The following CSGALNACT1 variants were observed in gnomAD, a reference collection of about 807,000 sequenced individuals.
The protein encoded by CSGALNACT1 is chondroitin sulfate N-acetylgalactosaminyltransferase 1.
CSGALNACT1 carries 52 observed loss-of-function variants against 51.0 expected under a neutral mutation model. The ratio of observed to expected loss-of-function variants is 1.02; its 90% confidence interval spans 0.82 to 1.29. CSGALNACT1 has a LOEUF of 1.29. CSGALNACT1 is among the 50% of genes most tolerant of loss of function. The pLI is 0.00. For synonymous variants in CSGALNACT1, 341 were observed against 254.4 expected, an observed-to-expected ratio of 1.34 and a Z score of -3.24; for missense variants, 935 against 679.2, an observed-to-expected ratio of 1.38 and a Z score of -4.19.
At chr8:19,672,364 C>T (rs2059860839) in intron 1 of CSGALNACT1, among the ~76,000 whole-genome samples, 1 of 152,156 alleles carries the variant, frequency 6.6e-6, no homozygotes, top group Admixed American at 6.5e-5. Flanking sequence ...ATTGAGTGTT[C>T]ATAAACACTC....
chr8:19,460,747 T>C (rs759367895), intron 4 of CSGALNACT1, among the ~76,000 whole-genome samples: 7 of 152,224 alleles, frequency 4.6e-5, no homozygotes, highest in Non-Finnish European at 1.0e-4. Context: ...CCTCCTTTTT[T>C]CTTGCTCACT....
intron 1 of CSGALNACT1, among the ~76,000 whole-genome samples, chr8:19,727,984 G>T (rs1306896804): frequency 6.6e-6 from 1 of 152,188 alleles, no homozygotes; most frequent in Non-Finnish European, 1.5e-5. Context: ...AGAGCAGCAA[G>T]ATGTCATTCC....
chr8:19,738,091 T>C (rs1326303254), intron 1 of CSGALNACT1, among the ~76,000 whole-genome samples: 1 of 152,180 alleles, frequency 6.6e-6, no homozygotes, highest in African/African-American at 2.4e-5. Flanking sequence ...CCAGGCGCCA[T>C]GGTTTGCACC....
intron 1 of CSGALNACT1, among the ~76,000 whole-genome samples, chr8:19,633,082 C>T (rs2055521985): frequency 6.6e-6 from 1 of 151,884 alleles, no homozygotes; most frequent in South Asian, 2.1e-4. Context: ...CAGCTGAGGG[C>T]TTTTTAAAAG....
chr8:19,423,983 C>G (rs530673807), intron 6 of CSGALNACT1, among the ~76,000 whole-genome samples: 2 of 152,294 alleles, frequency 1.3e-5, no homozygotes, highest in East Asian at 1.9e-4. Flanking sequence ...CACCAGACAC[C>G]TCGGCTTGCC....
intron 1 of CSGALNACT1, among the ~76,000 whole-genome samples, chr8:19,715,225 G>T (rs565245131): frequency 8.7e-4 from 132 of 152,254 alleles, no homozygotes; most frequent in African/African-American, 3.1e-3. Context: ...GGGGGAAACT[G>T]CCCCCATGAT....
chr8:19,443,597 T>C (rs936590881), intron 5 of CSGALNACT1, among the ~76,000 whole-genome samples: 1 of 152,130 alleles, frequency 6.6e-6, no homozygotes, highest in East Asian at 1.9e-4. Context: ...TATAAAACCA[T>C]CAGATCTTGT....
intron 3 of CSGALNACT1, among the ~76,000 whole-genome samples, chr8:19,530,109 C>A (rs964558285): frequency 6.6e-6 from 1 of 152,014 alleles, no homozygotes; most frequent in Non-Finnish European, 1.5e-5. Flanking sequence ...GTAATCCCAG[C>A]TACTCGGGGG....
intron 1 of CSGALNACT1, among the ~76,000 whole-genome samples, chr8:19,752,062 A>G (rs1563227241): frequency 1.0e-5 from 1 of 96,360 alleles, no homozygotes; most frequent in East Asian, 2.8e-4. Flanking sequence ...ATAACAATAT[A>G]TTTTTATATG....
chr8:19,571,190 A>T (rs956669565), intron 3 of CSGALNACT1, among the ~76,000 whole-genome samples: 8 of 152,036 alleles, frequency 5.3e-5, no homozygotes, highest in Non-Finnish European at 1.2e-4. Flanking sequence ...GGCTGGTCTC[A>T]AACTCCTGGG....
chr8:19,523,081 C>T (rs2081036394), intron 3 of CSGALNACT1, among the ~76,000 whole-genome samples: 1 of 152,164 alleles, frequency 6.6e-6, no homozygotes, highest in Non-Finnish European at 1.5e-5. Context: ...ATTACCACCA[C>T]TGCATTGCAA....
chr8:19,434,454 A>G (rs1308916542), intron 6 of CSGALNACT1, among the ~76,000 whole-genome samples: 1 of 152,178 alleles, frequency 6.6e-6, no homozygotes, highest in Non-Finnish European at 1.5e-5. Context: ...TTCAGACATC[A>G]TGACAACTTC....
chr8:19,431,040 C>T lies in CSGALNACT1; in HGVS notation c.953+8790G>A, dbSNP rs192803549. On this transcript the variant is annotated intron_variant, in intron 6 of 9. Transcript: ENST00000454498. Reference sequence around the variant, plus strand: ...TGTATATTGATCTTGTACCTCACAACTTTACTGAATTTGTTCTTAGCTCTA... The same window carrying T: ...TGTATATTGATCTTGTACCTCACAATTTTACTGAATTTGTTCTTAGCTCTA... Among the ~76,000 whole-genome samples, 14 of 152,210 alleles carry T rather than the reference C, an allele frequency of 9.2e-5. No individual in the cohort carries two copies. The East Asian group carries it at 2.7e-3, about 29-fold the overall frequency.
chr8:19,723,432 G>A (rs532843542), intron 1 of CSGALNACT1, among the ~76,000 whole-genome samples: 6 of 152,148 alleles, frequency 3.9e-5, no homozygotes, highest in African/African-American at 1.4e-4. Flanking sequence ...CAAATGCAAG[G>A]TACCATTCTG....
At chr8:19,502,945 C>T (rs1340593616) in intron 4 of CSGALNACT1, among the ~76,000 whole-genome samples, 1 of 126,852 alleles carries the variant, frequency 7.9e-6, no homozygotes, top group Non-Finnish European at 1.8e-5. Context: ...CTTGTAGTGC[C>T]AGGAATCCCA....
intron 1 of CSGALNACT1, among the ~76,000 whole-genome samples, chr8:19,712,795 G>C (rs959882648): frequency 1.3e-5 from 2 of 152,158 alleles, no homozygotes; most frequent in Non-Finnish European, 2.9e-5. Context: ...GGCAGCTAAA[G>C]GCATAGACAG....
chr8:19,562,662 A>C (rs989326378), intron 3 of CSGALNACT1, among the ~76,000 whole-genome samples: 1 of 152,228 alleles, frequency 6.6e-6, no homozygotes, highest in Non-Finnish European at 1.5e-5. Context: ...CAAAGAAGAC[A>C]AGAAACATAT....
At chr8:19,677,362 C>T (rs1267125779) in intron 1 of CSGALNACT1, among the ~76,000 whole-genome samples, 3 of 152,176 alleles carry the variant, frequency 2.0e-5, no homozygotes, top group Non-Finnish European at 2.9e-5. Flanking sequence ...CCTCCCACCT[C>T]GGCCTCCCAA....
At chr8:19,603,026 A>C (rs996104075), upstream of CSGALNACT1, among the ~76,000 whole-genome samples, 2 of 145,248 alleles carry the variant, frequency 1.4e-5, no homozygotes, top group African/African-American at 5.1e-5. Flanking sequence ...ACAAACATAC[A>C]ATTTGCTATT....
Sources: gnomAD v4.1 joint callset for allele counts (sites outside exome capture counted in the v4.1 genomes callset) on GRCh38, gnomAD v4.1.1 for gene constraint, MANE v1.5 for transcripts, NCBI Gene and HGNC (gene_info 2026-07-23, HGNC 2026-07-21) for gene names.